ZNF804B: variants seen among roughly 807,000 people sequenced by gnomAD.
ZNF804B encodes the protein zinc finger 804B.
A neutral mutation model predicts 101.4 loss-of-function variants in ZNF804B; 80 were observed. That is an observed-to-expected ratio of 0.79 (90% confidence interval 0.66 to 0.95). The LOEUF (loss-of-function observed/expected upper bound fraction) is 0.95, where lower values mean the gene tolerates loss of function less well. Ranked by LOEUF, ZNF804B falls within the 40% of genes least tolerant of loss-of-function variation. ZNF804B has a pLI of 0.00. For synonymous variants in ZNF804B, 622 were observed against 558.8 expected (o/e 1.11, Z -1.59); for missense variants, 1,673 against 1,561.9 (o/e 1.07, Z -1.20).
intron 1 of ZNF804B, among the ~76,000 whole-genome samples, chr7:89,209,305 G>A (rs6465188): frequency 0.75 from 114,217 of 151,984 alleles, 44,170 homozygotes; most frequent in African/African-American, 0.91. Flanking sequence ...ATCATTAATA[G>A]GAGGAGAAAA....
chr7:88,839,838 C>G (rs1791269624), intron 1 of ZNF804B, among the ~76,000 whole-genome samples: 2 of 151,798 alleles, frequency 1.3e-5, no homozygotes, highest in Non-Finnish European at 2.9e-5. Context: ...ACAGGATAGT[C>G]AGGAGGACTA....
chr7:88,951,599 A>T (rs933700080), intron 1 of ZNF804B, among the ~76,000 whole-genome samples: 3 of 151,896 alleles, frequency 2.0e-5, no homozygotes, highest in Admixed American at 6.6e-5. Flanking sequence ...CTGTTGCAAA[A>T]ATTACTTTTA....
At chr7:88,804,386 A>G (rs1272174583) in intron 1 of ZNF804B, among the ~76,000 whole-genome samples, 1 of 152,144 alleles carries the variant, frequency 6.6e-6, no homozygotes, top group Non-Finnish European at 1.5e-5. Flanking sequence ...TGAAAATGGA[A>G]TACTGTATGG....
chr7:88,854,427 CT>C (rs1791505452), intron 1 of ZNF804B, among the ~76,000 whole-genome samples: 7 of 116,020 alleles, frequency 6.0e-5, no homozygotes, highest in Admixed American at 1.9e-4. Flanking sequence ...TTCTTTCTTT[CT>C]TTCTTTCTTT....
intron 1 of ZNF804B, among the ~76,000 whole-genome samples, chr7:89,018,933 G>A (rs1446233025): frequency 3.3e-5 from 5 of 151,858 alleles, no homozygotes; most frequent in Non-Finnish European, 7.4e-5. Flanking sequence ...TTTCAAAAAA[G>A]CTAACTTTTT....
intron 1 of ZNF804B, among the ~76,000 whole-genome samples, chr7:88,854,534 C>CCTTTA (rs1791522469): frequency 1.7e-5 from 1 of 57,982 alleles, no homozygotes; most frequent in Non-Finnish European, 3.0e-5. Context: ...TCCTTTCCTT[C>CCTTTA]CTTCCTTCCT....
intron 1 of ZNF804B, among the ~76,000 whole-genome samples, chr7:89,170,737 A>G (rs1329097520): frequency 1.3e-5 from 2 of 152,150 alleles, no homozygotes; most frequent in Non-Finnish European, 2.9e-5. Context: ...TCCCCATTAT[A>G]TTGTTTGAAG....
At chr7:89,094,249 T>A (rs1276093429) in intron 1 of ZNF804B, among the ~76,000 whole-genome samples, 1 of 152,234 alleles carries the variant, frequency 6.6e-6, no homozygotes, top group African/African-American at 2.4e-5. Flanking sequence ...AATGTCACGA[T>A]GCCTGTATAA....
At chr7:89,318,796 C>T (rs1033077998) in intron 2 of ZNF804B, among the ~76,000 whole-genome samples, 1 of 151,964 alleles carries the variant, frequency 6.6e-6, no homozygotes. Context: ...TCTAACCCAG[C>T]GGCGCTAGAG....
chr7:89,071,660 A>C (rs769339569), intron 1 of ZNF804B, among the ~76,000 whole-genome samples: 6 of 152,154 alleles, frequency 3.9e-5, no homozygotes, highest in Non-Finnish European at 8.8e-5. Flanking sequence ...CAATTTTGCT[A>C]TCATTCCAAT....
At chr7:88,854,453 T>TTCTTTCTTTC (rs1191201995) in intron 1 of ZNF804B, among the ~76,000 whole-genome samples, 1 of 130,254 alleles carries the variant, frequency 7.7e-6, no homozygotes, top group Non-Finnish European at 1.6e-5. Flanking sequence ...CTTTCTTTCT[T>TTCTTTCTTTC]TCTTTCTTTC....
At chr7:88,787,978 AAAAG>A (rs1425873559) in intron 1 of ZNF804B, among the ~76,000 whole-genome samples, 1 of 152,142 alleles carries the variant, frequency 6.6e-6, no homozygotes, top group Non-Finnish European at 1.5e-5. Flanking sequence ...GTCAATCATA[AAAAG>A]AAAGAAAGGA....
intron 1 of ZNF804B, among the ~76,000 whole-genome samples, chr7:89,156,390 C>G (rs1790976557): frequency 6.6e-6 from 1 of 152,140 alleles, no homozygotes; most frequent in Non-Finnish European, 1.5e-5. Flanking sequence ...GCTGGGATTA[C>G]AGGCCTGAGC....
At chr7:89,138,158 T>C (rs1354544465) in intron 1 of ZNF804B, among the ~76,000 whole-genome samples, 1 of 152,128 alleles carries the variant, frequency 6.6e-6, no homozygotes, top group Non-Finnish European at 1.5e-5. Context: ...AGGGCTTTCA[T>C]GGAGAATCTC....
chr7:89,140,562 G>T (rs1790702169), intron 1 of ZNF804B, among the ~76,000 whole-genome samples: 1 of 152,008 alleles, frequency 6.6e-6, no homozygotes, highest in Non-Finnish European at 1.5e-5. Flanking sequence ...ATTATCACTT[G>T]CTGCTTCACC....
chr7:89,193,557 G>T (rs1217692030), intron 1 of ZNF804B, among the ~76,000 whole-genome samples: 2 of 146,750 alleles, frequency 1.4e-5, no homozygotes, highest in South Asian at 4.3e-4. Flanking sequence ...GTGATAACAT[G>T]TTGTGTTTGG....
At chr7:88,839,669 C>T (rs1010922266) in intron 1 of ZNF804B, among the ~76,000 whole-genome samples, 3 of 151,530 alleles carry the variant, frequency 2.0e-5, no homozygotes, top group African/African-American at 7.3e-5. Context: ...TGGAGAATAA[C>T]ACAGTCTTTG....
chr7:89,217,104 T>C (rs1251907669), intron 1 of ZNF804B, among the ~76,000 whole-genome samples: 2 of 152,222 alleles, frequency 1.3e-5, no homozygotes, highest in Non-Finnish European at 2.9e-5. Context: ...AAATAGCTTC[T>C]TCCCTCAAAA....
chr7:88,876,683 A>G (rs565867827), intron 1 of ZNF804B, among the ~76,000 whole-genome samples: 68 of 152,094 alleles, frequency 4.5e-4, no homozygotes, highest in African/African-American at 1.5e-3. Flanking sequence ...GTTTTAATCA[A>G]TTGTCCTGCA....
Sources: gnomAD v4.1 joint callset for allele counts (sites outside exome capture counted in the v4.1 genomes callset) on GRCh38, gnomAD v4.1.1 for gene constraint, MANE v1.5 for transcripts, NCBI Gene and HGNC (gene_info 2026-07-23, HGNC 2026-07-21) for gene names.